The following NDUFS5 variants were observed in gnomAD, a reference collection of about 807,000 sequenced individuals.
The protein encoded by NDUFS5 is NADH dehydrogenase [ubiquinone] iron-sulfur protein 5.
Under a neutral mutation model 10.5 loss-of-function variants are expected in NDUFS5, and 7 were observed. The ratio of observed to expected loss-of-function variants is 0.66; its 90% CI spans 0.38 to 1.25. NDUFS5 has a LOEUF of 1.25. Ranked by LOEUF, NDUFS5 falls within the 50% of genes most tolerant of loss-of-function variation. The pLI is 0.02. For missense variants in NDUFS5, 148 were observed against 140.7 expected (o/e 1.05, Z -0.26); for synonymous variants, 38 against 44.0 (o/e 0.86, Z 0.54).
At chr1:39,029,856 G>T (rs1644177658) in intron 2 of NDUFS5, among the ~76,000 whole-genome samples, 1 of 152,190 alleles carries the variant, frequency 6.6e-6, no homozygotes, top group Non-Finnish European at 1.5e-5. Flanking sequence ...ACTTTGGGAG[G>T]CTGAGGCGGG....
chr1:39,027,654 C>T (rs1160158918), intron 1 of NDUFS5, among the ~76,000 whole-genome samples: 1 of 130,476 alleles, frequency 7.7e-6, no homozygotes, highest in African/African-American at 2.8e-5. Context: ...TCATAGCTCA[C>T]TGAAGCCTTG....
chr1:39,027,894 T>G (rs1255973700), intron 1 of NDUFS5, among the ~76,000 whole-genome samples: 1 of 146,372 alleles, frequency 6.8e-6, no homozygotes, highest in Non-Finnish European at 1.5e-5. Flanking sequence ...CTTGGCTTAT[T>G]GCAACCTCTG....
At chr1:39,030,117 T>A (rs1211693263) in intron 2 of NDUFS5, among the ~76,000 whole-genome samples, 2 of 144,560 alleles carry the variant, frequency 1.4e-5, no homozygotes, top group African/African-American at 2.6e-5. Flanking sequence ...AAAACAAATT[T>A]AAAAAAATCC....
At chr1:39,029,740 C>T (rs1195957387) in intron 2 of NDUFS5, among the ~76,000 whole-genome samples, 1 of 152,132 alleles carries the variant, frequency 6.6e-6, no homozygotes, top group Middle Eastern at 3.2e-3. Context: ...TGTACATGAG[C>T]GTGAACAACG....
intron 2 of NDUFS5, among the ~76,000 whole-genome samples, chr1:39,030,221 A>G (rs1053685890): frequency 6.6e-6 from 1 of 152,020 alleles, no homozygotes; most frequent in Non-Finnish European, 1.5e-5. Flanking sequence ...CCTGGCCAAC[A>G]TGGTGAAACC....
At chr1:39,028,668 T>C in intron 1 of NDUFS5, 55 bp from the exon 2 acceptor site, 2 of 1,506,744 alleles carry the variant, frequency 1.3e-6, no homozygotes, top group South Asian at 1.1e-5. Context: ...ATTTCTCAGT[T>C]GATTGCCCTC....
At chr1:39,030,785 G>A (rs1425416611) in intron 2 of NDUFS5, among the ~76,000 whole-genome samples, 1 of 151,956 alleles carries the variant, frequency 6.6e-6, no homozygotes, top group East Asian at 1.9e-4. Flanking sequence ...AGGCATTGTA[G>A]TAAGGTGGAA....
chr1:39,034,406 T>C lies in NDUFS5; in HGVS notation c.231T>C (p.Gly77=). The C allele has an allele frequency of 6.2e-7, 1 of 1,613,238 alleles. No individual in the cohort carries two copies. The highest frequency in any genetic ancestry group is 8.5e-7 in the Non-Finnish European group (1 of 1,179,482). ...TCCTTTGACAGATGAGACGTGCAGG[T>C]ACCATCAGGAAGCAGCGGGATAAGC... ...LLRQKTMRRA[G]TIRKQRDKLI... Residue 77 remains glycine (G), a synonymous_variant, in exon 3 of 3, where the codon GGT becomes GGC. Coordinates refer to ENST00000372969, the MANE Select transcript of NDUFS5 (RefSeq NM_004552.3).
chr1:39,026,776 A>G (rs1365329349), intron 1 of NDUFS5, among the ~76,000 whole-genome samples: 1 of 152,058 alleles, frequency 6.6e-6, no homozygotes, highest in African/African-American at 2.4e-5. Context: ...TCCCCCAAAC[A>G]TAGCCAGCAC....
At chr1:39,027,287 G>T (rs373249624) in intron 1 of NDUFS5, among the ~76,000 whole-genome samples, 2 of 152,082 alleles carry the variant, frequency 1.3e-5, no homozygotes, top group African/African-American at 4.8e-5. Context: ...GGTCAGGCTG[G>T]TCTTGAACTC....
chr1:39,032,851 G>C (rs1222691240), intron 2 of NDUFS5, among the ~76,000 whole-genome samples: 1 of 152,110 alleles, frequency 6.6e-6, no homozygotes, highest in Admixed American at 6.6e-5. Flanking sequence ...CCATGCAGAG[G>C]AAACAGCAAG....
At chr1:39,027,676 T>C (rs1292314681) in intron 1 of NDUFS5, among the ~76,000 whole-genome samples, 3 of 140,038 alleles carry the variant, frequency 2.1e-5, no homozygotes, top group African/African-American at 7.7e-5. Flanking sequence ...ACTCCTGGCC[T>C]CAGTCTCCTG....
At chr1:39,031,960 C>T (rs970274246) in intron 2 of NDUFS5, among the ~76,000 whole-genome samples, 1 of 151,990 alleles carries the variant, frequency 6.6e-6, no homozygotes, top group African/African-American at 2.4e-5. Flanking sequence ...AGTTCAAGAC[C>T]AGCCTGACCA....
In NDUFS5 at chr1:39,028,846, T is replaced by C; in HGVS notation, c.122T>C (p.Ile41Thr). Reference protein sequence around the residue: ...GRCHAFEKEWIECAHGIGYTR... With the variant: ...GRCHAFEKEWTECAHGIGYTR... Reference sequence around the variant, plus strand: ...TGCCATGCTTTTGAAAAAGAATGGATAGAATGTGCACATGGAATCGGTTAT... The same window carrying C: ...TGCCATGCTTTTGAAAAAGAATGGACAGAATGTGCACATGGAATCGGTTAT... Residue 41 changes from isoleucine to threonine, a missense_variant, in exon 2 of 3, where the codon ATA (isoleucine) becomes ACA (threonine). Coordinates refer to ENST00000372969, the MANE Select transcript of NDUFS5 (RefSeq NM_004552.3). The C allele has an allele frequency of 6.2e-7, 1 of 1,614,002 alleles. No individual in the cohort carries two copies. The highest frequency in any genetic ancestry group is 8.5e-7 in the Non-Finnish European group (1 of 1,179,986).
chr1:39,030,638 T>C (rs1258622516), intron 2 of NDUFS5, among the ~76,000 whole-genome samples: 1 of 148,998 alleles, frequency 6.7e-6, no homozygotes, highest in Admixed American at 6.8e-5. Flanking sequence ...GAGAATGGCA[T>C]GAACCCGGGA....
rs941044201 is a variant in NDUFS5 at position 39,027,577 on chromosome 1, T to G, written c.-2-1146T>G. Among the ~76,000 whole-genome samples, 142 of 120,370 alleles carry G rather than the reference T, an allele frequency of 1.2e-3. 2 individuals are homozygous for G. Among genetic ancestry groups the G allele is most frequent in the African/African-American group, 3.8e-3 (135 of 35,800 alleles). 79.0% of individuals were successfully genotyped at this position (120,370 alleles called of 152,430 possible). A position where few individuals can be genotyped will look rare whatever the true frequency, so the allele number is the denominator to read the frequency against. ...GTAAGTCTTAACCCATTTCTTTCGC[T>G]CTGGTTTTTTTTTTTTTTTGAGACA... On this transcript the variant is annotated intron_variant, in intron 1 of 2. Transcript: ENST00000372969.
intron 2 of NDUFS5, among the ~76,000 whole-genome samples, chr1:39,034,152 A>G (rs1644212398): frequency 6.6e-6 from 1 of 152,148 alleles, no homozygotes; most frequent in Non-Finnish European, 1.5e-5. Context: ...ATATTGCTAT[A>G]TATATTAAGA....
intron 2 of NDUFS5, 58 bp from the exon 3 acceptor site, chr1:39,034,334 T>G (rs1644213752): frequency 6.5e-7 from 1 of 1,535,410 alleles, no homozygotes; most frequent in Non-Finnish European, 9.0e-7. Context: ...GTTTTTCCAG[T>G]TCTCACTTTT....
Position 39,029,787 on chromosome 1 carries a change from A to G in NDUFS5, c.216+847A>G, listed in dbSNP as rs555632631. Among the ~76,000 whole-genome samples the G allele has an allele frequency of 1.2e-3, 184 of 152,184 alleles. 1 individual carries two copies. The highest frequency in any genetic ancestry group is 4.0e-3 in the African/African-American group (167 of 41,522). On this transcript the variant is annotated intron_variant, in intron 2 of 2. Transcript: ENST00000372969. ...AAGGGATGTTAACAGCTTAGTGTTC[A>G]CCTCCTCAAAAGTTGAATGAGTTGG...
Sources: gnomAD v4.1 joint callset for allele counts (sites outside exome capture counted in the v4.1 genomes callset) on GRCh38, gnomAD v4.1.1 for gene constraint, MANE v1.5 for transcripts, NCBI Gene and HGNC (gene_info 2026-07-23, HGNC 2026-07-21) for gene names.